The following ECT2L variants were observed in gnomAD, a reference collection of about 807,000 sequenced individuals.
ECT2L encodes epithelial cell transforming 2 like, also known as epithelial cell-transforming sequence 2 oncogene-like.
Under a neutral mutation model 122.8 loss-of-function variants are expected in ECT2L, and 126 were observed. That is an observed-to-expected ratio of 1.03 (90% CI 0.89 to 1.19). The LOEUF is 1.19. ECT2L is among the 50% of genes most tolerant of loss of function. The pLI, the probability that ECT2L is intolerant of heterozygous loss-of-function variation, is 0.00. For synonymous variants in ECT2L, 385 were observed against 381.8 expected (o/e 1.01, Z -0.10); for missense variants, 1,012 against 1,064.1 (o/e 0.95, Z 0.68).
At position 138,873,705 on chromosome 6, in the gene ECT2L, A is replaced by G. The variant is rs185096356; in HGVS notation, c.1579-2767A>G. 1.6e-4 allele frequency among the ~76,000 whole-genome samples: 24 copies of G among 152,262 alleles called. No homozygotes were observed. In the East Asian group the frequency reaches 4.4e-3, roughly 28 times the overall value. The stretch of plus-strand genomic sequence containing the variant: ...GCTACTCGGGAGTCTGAGGCAGGAG[A>G]ATCCCTTGAACTTGGGAGGCAGAGG... On this transcript the variant is annotated intron_variant, in intron 13 of 21. Transcript: ENST00000541398.
intron 9 of ECT2L, among the ~76,000 whole-genome samples, chr6:138,853,289 C>A (rs1777511844): frequency 6.6e-6 from 1 of 152,146 alleles, no homozygotes; most frequent in South Asian, 2.1e-4. Flanking sequence ...TCTTAAGCAA[C>A]AGTAACAGCA....
At chr6:138,873,826 C>T (rs1386166843) in intron 13 of ECT2L, among the ~76,000 whole-genome samples, 1 of 151,266 alleles carries the variant, frequency 6.6e-6, no homozygotes, top group Admixed American at 6.6e-5. Flanking sequence ...AAAACAAACC[C>T]TCCCAGAGAG....
chr6:138,838,516 T>C lies in ECT2L; in HGVS notation c.342+2T>C, dbSNP rs971492945. 19 of 1,608,830 alleles carry C rather than the reference T, an allele frequency of 1.2e-5. No individual in the cohort carries two copies. Among genetic ancestry groups the C allele is most frequent in the Non-Finnish European group, 1.6e-5 (19 of 1,178,216 alleles). Reference sequence around the variant, plus strand: ...CCCTGGAAGTTTTTAACTGAACAGGTTTACTATTTGCCACTTCCTAGTAAT... The same window carrying C: ...CCCTGGAAGTTTTTAACTGAACAGGCTTACTATTTGCCACTTCCTAGTAAT... On this transcript the variant is annotated splice_donor_variant, in intron 5 of 21. Coordinates refer to ENST00000541398, the MANE Select transcript of ECT2L (RefSeq NM_001077706.3). LOFTEE classifies it high-confidence loss of function.
chr6:138,808,702 A>G (rs535845037), intron 1 of ECT2L, among the ~76,000 whole-genome samples: 1 of 150,936 alleles, frequency 6.6e-6, no homozygotes, highest in South Asian at 2.1e-4. Flanking sequence ...ATACATAATG[A>G]CAATTTAATT....
In ECT2L at chr6:138,845,118, C is replaced by A. The variant is rs138993515; in HGVS notation, c.764+538C>A. 8.6e-3 allele frequency among the ~76,000 whole-genome samples: 1,306 copies of A among 152,140 alleles called. 22 individuals carry two copies. Among genetic ancestry groups the A allele is most frequent in the African/African-American group, 0.03 (1,238 of 41,506 alleles). ...TAATTCTTTTATAATAGAGAAACATCGGCTGTATTCAGTTACCAAATCATA... is the reference window on the plus strand; with the variant it reads ...TAATTCTTTTATAATAGAGAAACATAGGCTGTATTCAGTTACCAAATCATA... On this transcript the variant is annotated intron_variant, in intron 7 of 21. Coordinates refer to ENST00000541398, the MANE Select transcript of ECT2L (RefSeq NM_001077706.3).
chr6:138,864,796 G>C (rs554580179), intron 11 of ECT2L, among the ~76,000 whole-genome samples, 200 bp from the exon 12 acceptor site: 4 of 152,290 alleles, frequency 2.6e-5, no homozygotes, highest in Non-Finnish European at 5.9e-5. Context: ...ACATGCATTT[G>C]AAATGATTCA....
Position 138,847,354 on chromosome 6 carries a change from ACTTTTTTTTTTTT to A in ECT2L, c.903+678_903+690del, listed in dbSNP as rs1212658132. 1.3e-3 allele frequency among the ~76,000 whole-genome samples: 142 copies of A among 111,062 alleles called. 2 individuals are homozygous for A. The highest frequency in any genetic ancestry group is 5.5e-3 in the African/African-American group (136 of 24,944). 72.9% of individuals were successfully genotyped at this position (111,062 alleles called of 152,430 possible). On this transcript the variant is annotated intron_variant, in intron 8 of 21. Transcript: ENST00000541398. ...TTTTGAAAAAGCATTAAAGGCCCAAACTTTTTTTTTTTTTTTTTTTTTTTTTTTTTTTTTGAGA... is the reference window on the plus strand; with the variant it reads ...TTTTGAAAAAGCATTAAAGGCCCAAATTTTTTTTTTTTTTTTTTTTTGAGA...
chr6:138,822,278 G>A (rs1470253131), intron 4 of ECT2L, among the ~76,000 whole-genome samples: 5 of 152,236 alleles, frequency 3.3e-5, no homozygotes, highest in Admixed American at 1.3e-4. Context: ...GAGGCCGGGC[G>A]CAGTGGCTCA....
chr6:138,838,266 A>G lies in ECT2L; in HGVS notation c.180-86A>G, dbSNP rs1583575047. 2.5e-5 allele frequency: 29 copies of G among 1,182,050 alleles called. No individual in the cohort carries two copies. The East Asian group carries it at 7.6e-4, about 31-fold the overall frequency. The allele number at this position is 1,182,050 out of a possible 1,614,324, so 73.2% of individuals were successfully genotyped here. On this transcript the variant is annotated intron_variant, in intron 4 of 21. Coordinates refer to ENST00000541398, the MANE Select transcript of ECT2L (RefSeq NM_001077706.3). ...TTATTTTTTATAGGTAGAACATTGG[A>G]GGAAGATCAATGACCAATATTTATG...
intron 4 of ECT2L, among the ~76,000 whole-genome samples, chr6:138,835,428 G>A (rs1038195706): frequency 4.0e-5 from 6 of 151,884 alleles, no homozygotes; most frequent in African/African-American, 1.5e-4. Flanking sequence ...GTGCATGCCT[G>A]GAGTCCCCAG....
rs560991796 is a variant in ECT2L, at chr6:138,845,828, T to C, written c.765-711T>C. On this transcript the variant is annotated intron_variant, in intron 7 of 21. Transcript: ENST00000541398. Reference sequence around the variant, plus strand: ...GCTCACGCTTATAATCCCAGCACTTTGGGAGGCCAAGGTGGGAGGATCACT... The same window carrying C: ...GCTCACGCTTATAATCCCAGCACTTCGGGAGGCCAAGGTGGGAGGATCACT... Among the ~76,000 whole-genome samples, 7 of 152,036 alleles carry C rather than the reference T, an allele frequency of 4.6e-5. No homozygotes were observed. The East Asian group carries it at 1.4e-3, about 30-fold the overall frequency.
intron 1 of ECT2L, among the ~76,000 whole-genome samples, chr6:138,797,025 T>C (rs1173064937): frequency 6.6e-6 from 1 of 152,240 alleles, no homozygotes; most frequent in Non-Finnish European, 1.5e-5. Flanking sequence ...GCTTTAAACT[T>C]ATAAATCAGT....
chr6:138,831,342 A>C (rs2128383739), intron 4 of ECT2L, among the ~76,000 whole-genome samples: 1 of 152,370 alleles, frequency 6.6e-6, no homozygotes, highest in South Asian at 2.1e-4. Flanking sequence ...TAAAAGTTTT[A>C]GTTTAAAAAA....
At chr6:138,815,576 T>C (rs1776040976) in intron 4 of ECT2L, among the ~76,000 whole-genome samples, 3 of 152,184 alleles carry the variant, frequency 2.0e-5, no homozygotes, top group African/African-American at 4.8e-5. Flanking sequence ...TTCTGAAACA[T>C]TGTCCTTTTG....
At chr6:138,852,667 T>C (rs1777489794) in intron 9 of ECT2L, among the ~76,000 whole-genome samples, 1 of 152,214 alleles carries the variant, frequency 6.6e-6, no homozygotes, top group Non-Finnish European at 1.5e-5. Flanking sequence ...CACTTTACCT[T>C]ACTTCTGGTT....
At chr6:138,831,887 C>T (rs577947943) in intron 4 of ECT2L, among the ~76,000 whole-genome samples, 1 of 152,218 alleles carries the variant, frequency 6.6e-6, no homozygotes, top group South Asian at 2.1e-4. Flanking sequence ...ATTCAAATTA[C>T]ACCAAAAACT....
chr6:138,805,279 C>G (rs1470608514), intron 1 of ECT2L, among the ~76,000 whole-genome samples: 2 of 152,178 alleles, frequency 1.3e-5, no homozygotes, highest in Non-Finnish European at 2.9e-5. Context: ...AGCTGTGCAT[C>G]TTCTTGGTGA....
At chr6:138,898,237 G>A (rs1779280672) in intron 20 of ECT2L, among the ~76,000 whole-genome samples, 1 of 152,042 alleles carries the variant, frequency 6.6e-6, no homozygotes, top group Non-Finnish European at 1.5e-5. Flanking sequence ...TTTATTCTCA[G>A]AATAACCTAT....
intron 13 of ECT2L, among the ~76,000 whole-genome samples, chr6:138,868,575 T>C (rs117967513): frequency 0.014 from 2,108 of 152,118 alleles, 21 homozygotes; most frequent in South Asian, 0.04. Context: ...AGGAGAAATC[T>C]GAGAAAGTGT....
Sources: gnomAD v4.1 joint callset for allele counts (sites outside exome capture counted in the v4.1 genomes callset) on GRCh38, gnomAD v4.1.1 for gene constraint, MANE v1.5 for transcripts, NCBI Gene and HGNC (gene_info 2026-07-23, HGNC 2026-07-21) for gene names.